The following HAL variants were observed in gnomAD, a reference collection of about 807,000 sequenced individuals.
HAL encodes histidine ammonia-lyase, also known as histidase.
In HAL, 85 loss-of-function variants were observed where a neutral mutation model predicts 81.1. That is an observed-to-expected ratio of 1.05 (90% CI 0.88 to 1.25). The LOEUF (loss-of-function observed/expected upper bound fraction) is 1.25. Among genes scored for constraint, HAL ranks in the 50% most tolerant of loss-of-function variants. HAL has a pLI of 0.00. For missense variants in HAL, 798 were observed against 836.6 expected (o/e 0.95, Z 0.57); for synonymous variants, 301 against 309.2 (o/e 0.97, Z 0.28).
chr12:95,987,897 C>CA (rs1555239660), intron 11 of HAL, among the ~76,000 whole-genome samples: 25 of 45,774 alleles, frequency 5.5e-4, no homozygotes, highest in Admixed American at 1.7e-3. Flanking sequence ...TTTGGCGGGG[C>CA]GGGGGGGGCG....
chr12:95,980,905 C>T (rs6538696), intron 15 of HAL, 42 bp from the exon 16 acceptor site: 656,674 of 1,177,110 alleles, frequency 0.56, 188,767 homozygotes, highest in East Asian at 0.91. Context: ...GTTTGCTGGT[C>T]ACTTCAAGTA....
chr12:95,977,502 G>A (rs2080735401), intron 18 of HAL, among the ~76,000 whole-genome samples: 1 of 151,860 alleles, frequency 6.6e-6, no homozygotes, highest in African/African-American at 2.4e-5. Flanking sequence ...AATTACCCAG[G>A]TGTGGTGGTG....
At chr12:95,983,432 GCCATAA>G (rs1432407014) in intron 15 of HAL, among the ~76,000 whole-genome samples, 35 of 152,188 alleles carry the variant, frequency 2.3e-4, no homozygotes, top group African/African-American at 8.4e-4. Flanking sequence ...GGATGAGGAA[GCCATAA>G]CTCTTTAATC....
chr12:95,976,593 C>T lies in HAL; in HGVS notation c.1763+5G>A. ...TGTAATTTTCAGAGACCTGTTTGAT[C>T]TTACCTTACAACAGAGCGCACCAGG... On this transcript the variant is annotated splice_donor_5th_base_variant and intron_variant, in intron 19 of 20. Transcript: ENST00000261208. 6.2e-7 allele frequency: 1 copy of T among 1,602,650 alleles called. No homozygotes were observed. The highest frequency in any genetic ancestry group is 1.3e-5 in the African/African-American group (1 of 74,804).
intron 7 of HAL, 53 bp from the exon 8 acceptor site, chr12:95,993,541 C>G (rs1949996989): frequency 8.3e-7 from 1 of 1,207,566 alleles, no homozygotes; most frequent in South Asian, 1.2e-5. Flanking sequence ...AGAAAATGTT[C>G]CCTCAGCTGG....
intron 20 of HAL, among the ~76,000 whole-genome samples, chr12:95,975,386 G>A (rs956854567): frequency 7.0e-6 from 1 of 143,670 alleles, no homozygotes; most frequent in East Asian, 2.0e-4. Context: ...TCATCTCAAA[G>A]TAAGGCCCTG....
intron 15 of HAL, 42 bp from the exon 16 acceptor site, chr12:95,980,905 C>A (rs6538696): frequency 8.5e-7 from 1 of 1,180,966 alleles, no homozygotes; most frequent in South Asian, 1.2e-5. Flanking sequence ...GTTTGCTGGT[C>A]ACTTCAAGTA....
At chr12:95,977,386 A>T (rs1353793638) in intron 18 of HAL, among the ~76,000 whole-genome samples, 3 of 75,482 alleles carry the variant, frequency 4.0e-5, no homozygotes, top group Non-Finnish European at 8.8e-5. Context: ...AAGTCTCATT[A>T]AAAAAAAAAC....
At chr12:95,978,928 G>T (rs1394537959) in intron 17 of HAL, among the ~76,000 whole-genome samples, 2 of 152,130 alleles carry the variant, frequency 1.3e-5, no homozygotes, top group Non-Finnish European at 2.9e-5. Context: ...CTTTAAACTA[G>T]GGTCATGCTA....
chr12:95,985,336 G>A (rs760913230), intron 14 of HAL, among the ~76,000 whole-genome samples: 1 of 152,154 alleles, frequency 6.6e-6, no homozygotes, highest in African/African-American at 2.4e-5. Context: ...CCTCACGCCT[G>A]TAATCCCAGC....
In HAL at chr12:95,994,003, G is replaced by T; in HGVS notation, c.412-5C>A. ...CTTCTCAGCTGTTGGGGTGAGCTAG[G>T]AAAATGTTGATCAGAACTGAGCACG... On this transcript the variant is annotated splice_polypyrimidine_tract_variant and splice_region_variant and intron_variant, in intron 5 of 20. Transcript: ENST00000261208. 6.2e-7 allele frequency: 1 copy of T among 1,611,278 alleles called. No individual in the cohort carries two copies. The highest frequency in any genetic ancestry group is 8.5e-7 in the Non-Finnish European group (1 of 1,177,434).
chr12:95,986,873 A>G (rs1212978281), intron 12 of HAL, among the ~76,000 whole-genome samples, 194 bp downstream of exon 12: 1 of 151,972 alleles, frequency 6.6e-6, no homozygotes, highest in Admixed American at 6.6e-5. Context: ...TGTATCTGTA[A>G]ATTGCAGTTC....
At chr12:95,979,888 TAAC>T (rs1288057979) in intron 17 of HAL, among the ~76,000 whole-genome samples, 6 of 152,236 alleles carry the variant, frequency 3.9e-5, no homozygotes, top group Non-Finnish European at 1.5e-5. Context: ...CATCTATAGA[TAAC>T]AATAATAGCA....
intron 9 of HAL, among the ~76,000 whole-genome samples, chr12:95,991,229 G>A (rs1949966372): frequency 6.6e-6 from 1 of 151,452 alleles, no homozygotes; most frequent in Non-Finnish European, 1.5e-5. Flanking sequence ...TCTTGAAGAA[G>A]TGATCAGGAA....
chr12:95,994,165 C>T lies in HAL; in HGVS notation c.337-1G>A. ...GACGGTCTCCATCTAACTCGATGTA[C>T]TACACAAAAGAAGGGGATCTCAGTG... On this transcript the variant is annotated splice_acceptor_variant, in intron 4 of 20. Coordinates refer to ENST00000261208, the MANE Select transcript of HAL (RefSeq NM_002108.4). LOFTEE classifies it high-confidence loss of function. 6.2e-7 allele frequency: 1 copy of T among 1,608,646 alleles called. No homozygotes were observed. The highest frequency in any genetic ancestry group is 8.5e-7 in the Non-Finnish European group (1 of 1,175,000).
intron 14 of HAL, among the ~76,000 whole-genome samples, chr12:95,984,302 G>T (rs1949850028): frequency 6.6e-6 from 1 of 152,214 alleles, no homozygotes; most frequent in Non-Finnish European, 1.5e-5. Flanking sequence ...CAGGTTAGTG[G>T]TAGGACTTGG....
chr12:95,977,817 C>T (rs1003896660), intron 18 of HAL, 127 bp downstream of exon 18: 6 of 961,192 alleles, frequency 6.2e-6, no homozygotes, highest in African/African-American at 4.8e-5. Flanking sequence ...TGCAAGGAGG[C>T]CTGAGAGTCT....
chr12:95,987,442 C>A (rs1592845943), intron 11 of HAL, among the ~76,000 whole-genome samples: 3 of 152,178 alleles, frequency 2.0e-5, no homozygotes, highest in Non-Finnish European at 4.4e-5. Flanking sequence ...ATGAAACACT[C>A]ATTAAGTATC....
rs778328756 is a variant in HAL at position 95,994,089 on chromosome 12, C to T, written c.411+1G>A. The T allele has an allele frequency of 1.1e-5, 18 of 1,612,116 alleles. No homozygotes were observed. Among genetic ancestry groups the T allele is most frequent in the Non-Finnish European group, 1.5e-5 (18 of 1,178,336 alleles). ...GACATCTTTCCCCTCCCTCCCCATA[C>T]CTTTATTTTGTAGCGTCCCTTTCCC... On this transcript the variant is annotated splice_donor_variant, in intron 5 of 20. Transcript: ENST00000261208. LOFTEE classifies it high-confidence loss of function.
Sources: allele counts gnomAD v4.1 joint callset (sites outside exome capture counted in the v4.1 genomes callset), GRCh38; gene constraint gnomAD v4.1.1; transcripts MANE v1.5; gene names NCBI Gene and HGNC (gene_info 2026-07-23, HGNC 2026-07-21).